The following PRTG variants were observed in gnomAD, a reference collection of about 807,000 sequenced individuals.
PRTG encodes protogenin.
Under a neutral mutation model 122.5 loss-of-function variants are expected in PRTG, and 67 were observed. The ratio of observed to expected loss-of-function variants is 0.55; its 90% CI spans 0.45 to 0.67. The LOEUF (loss-of-function observed/expected upper bound fraction) is 0.67. PRTG is among the 30% of genes least tolerant of loss of function. The pLI is 0.00. For synonymous variants in PRTG, 554 were observed against 501.1 expected (o/e 1.11, Z -1.41); for missense variants, 1,435 against 1,415.4 (o/e 1.01, Z -0.22).
chr15:55,631,041 C>T (rs888614210), intron 15 of PRTG, among the ~76,000 whole-genome samples: 12 of 152,122 alleles, frequency 7.9e-5, no homozygotes, highest in East Asian at 1.9e-4. Context: ...GCAGGTCACA[C>T]GGTGTGAGGC....
chr15:55,736,291 T>C (rs2031410282), intron 2 of PRTG, among the ~76,000 whole-genome samples: 1 of 152,078 alleles, frequency 6.6e-6, no homozygotes, highest in Non-Finnish European at 1.5e-5. Flanking sequence ...GTCTTGCCTA[T>C]TTCAGGTCCA....
At position 55,620,254 on chromosome 15, in the gene PRTG, ATCT is replaced by A. The variant is rs1170893206; in HGVS notation, c.3208_3210del (p.Arg1070del). 3.1e-6 allele frequency: 5 copies of A among 1,613,830 alleles called. No individual in the cohort carries two copies. Among genetic ancestry groups the A allele is most frequent in the African/African-American group, 1.3e-5 (1 of 74,908 alleles). On this transcript the variant is annotated inframe_deletion, in exon 20 of 20. Transcript: ENST00000389286. ...TGGTAAAAGCAGACCGCTGGAGTAA[ATCT>A]TCTTTGAGGCTAGGCAAAAAAAGAT...
intron 2 of PRTG, among the ~76,000 whole-genome samples, chr15:55,735,718 T>TAAAAAAA (rs35182605): frequency 7.0e-5 from 8 of 114,282 alleles, no homozygotes; most frequent in African/African-American, 2.7e-4. Context: ...CATGCTTTGC[T>TAAAAAAA]AAAAAAAAAA....
intron 2 of PRTG, chr15:55,738,648 T>A: frequency 1.7e-6 from 1 of 600,220 alleles, no homozygotes; most frequent in East Asian, 2.9e-5. Flanking sequence ...GCACACTATC[T>A]TTAAAACAGT....
chr15:55,704,605 A>C (rs916054429), intron 2 of PRTG, among the ~76,000 whole-genome samples: 7 of 152,194 alleles, frequency 4.6e-5, no homozygotes, highest in African/African-American at 1.7e-4. Context: ...ATAACCACTC[A>C]GTGGTATTTA....
chr15:55,639,306 C>G (rs1420932409), intron 13 of PRTG, among the ~76,000 whole-genome samples: 1 of 152,140 alleles, frequency 6.6e-6, no homozygotes, highest in Non-Finnish European at 1.5e-5. Flanking sequence ...AGACAACTGG[C>G]CCTACTTTTT....
chr15:55,740,831 C>T (rs2031586236), intron 1 of PRTG, 147 bp from the exon 2 acceptor site: 1 of 677,950 alleles, frequency 1.5e-6, no homozygotes, highest in African/African-American at 1.8e-5. Context: ...CCTTAATGAA[C>T]CAATCTAAAT....
chr15:55,630,702 C>A (rs1160422672), intron 15 of PRTG, among the ~76,000 whole-genome samples: 1 of 152,078 alleles, frequency 6.6e-6, no homozygotes, highest in Non-Finnish European at 1.5e-5. Context: ...TGCCACTGCA[C>A]CAAAGTATTT....
At chr15:55,700,502 C>A (rs2059655908) in intron 2 of PRTG, among the ~76,000 whole-genome samples, 1 of 152,118 alleles carries the variant, frequency 6.6e-6, no homozygotes, top group South Asian at 2.1e-4. Flanking sequence ...AACCTTCTGG[C>A]TGGCAACGGT....
At chr15:55,647,236 G>A (rs2059329213) in intron 11 of PRTG, among the ~76,000 whole-genome samples, 1 of 152,026 alleles carries the variant, frequency 6.6e-6, no homozygotes, top group Non-Finnish European at 1.5e-5. Context: ...CCGAGATCAC[G>A]CCATTGCACT....
chr15:55,630,294 T>C (rs917083992), intron 15 of PRTG, among the ~76,000 whole-genome samples: 1 of 152,146 alleles, frequency 6.6e-6, no homozygotes, highest in African/African-American at 2.4e-5. Flanking sequence ...CCAATTCTTT[T>C]GTATTTTTAA....
At chr15:55,631,829 A>G (rs1350472053) in intron 15 of PRTG, among the ~76,000 whole-genome samples, 2 of 152,206 alleles carry the variant, frequency 1.3e-5, no homozygotes, top group African/African-American at 4.8e-5. Context: ...GATTAAATAA[A>G]CTATTATTGG....
Position 55,743,107 on chromosome 15 carries a change from C to G in PRTG, c.-176G>C, listed in dbSNP as rs1487722666. The G allele has an allele frequency of 7.8e-7, 1 of 1,276,958 alleles. No homozygotes were observed. The allele number at this position is 1,276,958 out of a possible 1,614,324, so 79.1% of individuals were successfully genotyped here. On this transcript the variant is annotated 5_prime_UTR_variant, in exon 1 of 20. Transcript: ENST00000389286. The stretch of plus-strand genomic sequence containing the variant: ...GCGGCGAGGCTGGTGCTCGGACGGC[C>G]GCTCGCGAGAAGCAAGGGGCCTGAG...
In PRTG at chr15:55,667,457, G is replaced by A. The variant is rs34481831; in HGVS notation, c.2041+4988C>T. 4.2e-3 allele frequency among the ~76,000 whole-genome samples: 646 copies of A among 152,032 alleles called. 2 individuals carry two copies. Among genetic ancestry groups the A allele is most frequent in the Admixed American group, 0.011 (165 of 15,280 alleles). On this transcript the variant is annotated intron_variant, in intron 11 of 19. Coordinates refer to ENST00000389286, the MANE Select transcript of PRTG (RefSeq NM_173814.6). ...TATTAAGTTCTAAAATTTGAGTTGA[G>A]TATCAATCATATTTGGCATTTTAAG...
At chr15:55,665,031 G>A (rs929609264) in intron 11 of PRTG, among the ~76,000 whole-genome samples, 12 of 151,980 alleles carry the variant, frequency 7.9e-5, no homozygotes, top group African/African-American at 2.9e-4. Context: ...GGCCGAGGCG[G>A]GTGGATCACG....
Position 55,615,071 on chromosome 15 carries a change from TG to T in PRTG, c.*4940del, listed in dbSNP as rs923777202. The stretch of plus-strand genomic sequence containing the variant: ...TTAAACCTAGATAACCTGTATCAGC[TG>T]GGGTTGGACAAAGAGAAATGATAAC... On this transcript the variant is annotated 3_prime_UTR_variant, in exon 20 of 20. Coordinates refer to ENST00000389286, the MANE Select transcript of PRTG (RefSeq NM_173814.6). 2 of 152,086 alleles carry T rather than the reference TG, an allele frequency of 1.3e-5. No homozygotes were observed. Among genetic ancestry groups the T allele is most frequent in the Non-Finnish European group, 2.9e-5 (2 of 67,984 alleles). The allele number at this position is 152,086 out of a possible 1,614,324, so 9.4% of individuals were successfully genotyped here.
Position 55,628,882 on chromosome 15 carries a change from G to C in PRTG, c.2746C>G (p.Pro916Ala). The change falls in exon 16 of 20, where the codon CCA (proline) becomes GCA (alanine). Residue 916 changes from proline (P) to alanine (A), a missense_variant. Coordinates refer to ENST00000389286, the MANE Select transcript of PRTG (RefSeq NM_173814.6). ...TGATTTGATTCAGAGGTTTCCTTTGGAAGTACTGCCAGCTCCACAGAATTT... is the reference window on the plus strand; with the variant it reads ...TGATTTGATTCAGAGGTTTCCTTTGCAAGTACTGCCAGCTCCACAGAATTT... ...FSNSVELAVL[P>A]KETSESNQRP... is the part of the protein sequence containing the mutation. The C allele has an allele frequency of 6.2e-7, 1 of 1,613,980 alleles. No homozygotes were observed. The highest frequency in any genetic ancestry group is 2.2e-5 in the East Asian group (1 of 44,880).
intron 10 of PRTG, 102 bp downstream of exon 10, chr15:55,673,269 A>AT: frequency 1.1e-6 from 1 of 906,162 alleles, no homozygotes; most frequent in Non-Finnish European, 1.6e-6. Flanking sequence ...GAATATTTTT[A>AT]TTTGTAAAAC....
chr15:55,743,089 G>A lies in PRTG; in HGVS notation c.-158C>T. 7.8e-7 allele frequency: 1 copy of A among 1,285,826 alleles called. No homozygotes were observed. The highest frequency in any genetic ancestry group is 9.8e-7 in the Non-Finnish European group (1 of 1,021,270). 79.7% of individuals were successfully genotyped at this position (1,285,826 alleles called of 1,614,324 possible). ...GTGGCGAGCGTCTCTGCGGCGGCGA[G>A]GCTGGTGCTCGGACGGCCGCTCGCG... On this transcript the variant is annotated 5_prime_UTR_variant, in exon 1 of 20. Coordinates refer to ENST00000389286, the MANE Select transcript of PRTG (RefSeq NM_173814.6).
Sources: allele counts gnomAD v4.1 joint callset (sites outside exome capture counted in the v4.1 genomes callset), GRCh38; gene constraint gnomAD v4.1.1; transcripts MANE v1.5; gene names NCBI Gene and HGNC (gene_info 2026-07-23, HGNC 2026-07-21).